IL1RAP: variants seen among roughly 807,000 people sequenced by gnomAD.
IL1RAP encodes interleukin 1 receptor accessory protein.
Under a neutral mutation model 60.7 loss-of-function variants are expected in IL1RAP, and 35 were observed. The observed-to-expected ratio is 0.58, with a 90% CI of 0.44 to 0.76. The LOEUF is 0.76. Among genes scored for constraint, IL1RAP ranks in the 30% least tolerant of loss-of-function variants. The probability of loss-of-function intolerance (pLI) is 0.00; values close to 1 mark genes in which losing one functional copy is unlikely to be tolerated. For synonymous variants in IL1RAP, 268 were observed against 250.9 expected, an observed-to-expected ratio of 1.07 and a Z score of -0.64; for missense variants, 572 against 693.9, an observed-to-expected ratio of 0.82 and a Z score of 1.97.
chr3:190,625,267 C>T (rs1299479655), intron 7 of IL1RAP: 1 of 151,994 alleles, frequency 6.6e-6, no homozygotes, highest in Non-Finnish European at 1.5e-5. Flanking sequence ...GTATGGAGTC[C>T]TCTTTGGGGT....
intron 11 of IL1RAP, among the ~76,000 whole-genome samples, chr3:190,647,128 C>G (rs1412260643): frequency 6.6e-6 from 1 of 152,020 alleles, no homozygotes; most frequent in Non-Finnish European, 1.5e-5. Context: ...TTTTATTCTC[C>G]CTGCCGCTCT....
Position 190,608,442 on chromosome 3 carries a change from T to G in IL1RAP, c.351-553T>G, listed in dbSNP as rs150965598. On this transcript the variant is annotated intron_variant, in intron 4 of 11. Transcript: ENST00000447382. ...ACCTATGTAGGGCACTTATCATGGA[T>G]AGAGCTTGTAGGACTGGAAGTTGTT... Among the ~76,000 whole-genome samples the G allele has an allele frequency of 2.2e-3, 331 of 152,292 alleles. 7 individuals carry two copies. Among genetic ancestry groups the G allele is most frequent in the African/African-American group, 7.4e-3 (309 of 41,568 alleles).
chr3:190,593,076 CT>C (rs879701762), intron 3 of IL1RAP, among the ~76,000 whole-genome samples: 77 of 145,106 alleles, frequency 5.3e-4, no homozygotes, highest in Admixed American at 4.8e-4. Context: ...TCACCAAACC[CT>C]TTTTTTTTTT....
Position 190,645,732 on chromosome 3 carries a change from C to T in IL1RAP, c.1235C>T (p.Ala412Val). The change falls in exon 11 of 12, where the codon GCA (alanine) becomes GTA (valine). Residue 412 changes from alanine to valine, a missense_variant. Ala to Val is a moderately conservative substitution (Grantham distance 64). Transcript: ENST00000447382. ...GAGTATGATATTTATGTATCCTATG[C>T]AAGGAATGCGGAAGAAGAAGAATTT... is the stretch of plus-strand genomic sequence containing the variant. ...GKEYDIYVSY[A>V]RNAEEEEFVL... 1 of 1,611,916 alleles carries T rather than the reference C, an allele frequency of 6.2e-7. No individual in the cohort carries two copies. The highest frequency in any genetic ancestry group is 8.5e-7 in the Non-Finnish European group (1 of 1,178,136).
chr3:190,593,064 C>T (rs1729080045), intron 3 of IL1RAP, among the ~76,000 whole-genome samples: 2 of 152,130 alleles, frequency 1.3e-5, no homozygotes, highest in Admixed American at 6.5e-5. Flanking sequence ...TGGATTTCTC[C>T]CTCACCAAAC....
intron 1 of IL1RAP, among the ~76,000 whole-genome samples, chr3:190,531,657 C>T (rs1259697579): frequency 6.6e-6 from 1 of 152,208 alleles, no homozygotes; most frequent in African/African-American, 2.4e-5. Context: ...ATGTAAAACA[C>T]ACACTTACAG....
At position 190,620,615 on chromosome 3, in the gene IL1RAP, TAACTGTTGGTC is replaced by T. The variant is rs1436026106; in HGVS notation, c.703+181_703+191del. Reference sequence around the variant, plus strand: ...TTCCATGCACATCGTAAGCATTCAGTAACTGTTGGTCAACTGAATGAATATGTGAATAAATG... The same window carrying T: ...TTCCATGCACATCGTAAGCATTCAGTAACTGAATGAATATGTGAATAAATG... On this transcript the variant is annotated intron_variant, in intron 6 of 11. Coordinates refer to ENST00000447382, the MANE Select transcript of IL1RAP (RefSeq NM_002182.4). 5.3e-5 allele frequency among the ~76,000 whole-genome samples: 8 copies of T among 152,294 alleles called. No individual in the cohort carries two copies. In the East Asian group the frequency reaches 1.5e-3, roughly 29 times the overall value.
intron 3 of IL1RAP, among the ~76,000 whole-genome samples, chr3:190,577,691 C>T (rs955295309): frequency 6.6e-6 from 1 of 151,978 alleles, no homozygotes; most frequent in African/African-American, 2.4e-5. Flanking sequence ...CCACCAGGCT[C>T]AGCTAATTTT....
Position 190,519,391 on chromosome 3 carries a change from T to C in IL1RAP, c.-89+5172T>C, listed in dbSNP as rs146201492. Reference sequence around the variant, plus strand: ...CATTTCATTTAAACATAAAAATAACTCTCAGATATATATTATTATTTGCCT... The same window carrying C: ...CATTTCATTTAAACATAAAAATAACCCTCAGATATATATTATTATTTGCCT... On this transcript the variant is annotated intron_variant, in intron 1 of 11. Coordinates refer to ENST00000447382, the MANE Select transcript of IL1RAP (RefSeq NM_002182.4). 2.5e-3 allele frequency among the ~76,000 whole-genome samples: 380 copies of C among 152,276 alleles called. 2 individuals are homozygous for C. Among genetic ancestry groups the C allele is most frequent in the African/African-American group, 8.7e-3 (360 of 41,548 alleles).
intron 8 of IL1RAP, among the ~76,000 whole-genome samples, 181 bp from the exon 9 acceptor site, chr3:190,629,168 AT>A (rs1732562785): frequency 1.3e-5 from 2 of 152,322 alleles, no homozygotes; most frequent in South Asian, 4.1e-4. Context: ...ATGGTATAGT[AT>A]AGTGTTAGAA....
intron 3 of IL1RAP, among the ~76,000 whole-genome samples, chr3:190,601,564 G>A (rs59245674): frequency 0.067 from 10,137 of 152,310 alleles, 474 homozygotes; most frequent in East Asian, 0.14. Context: ...AAGTCAGAAA[G>A]CTTCAGATTC....
chr3:190,593,898 G>A (rs924773339), intron 3 of IL1RAP, among the ~76,000 whole-genome samples: 1 of 152,090 alleles, frequency 6.6e-6, no homozygotes, highest in Non-Finnish European at 1.5e-5. Flanking sequence ...GTATATTATA[G>A]GATACTGCTA....
At position 190,611,646 on chromosome 3, in the gene IL1RAP, T is replaced by C. The variant is rs768989456; in HGVS notation, c.537+2465T>C. On this transcript the variant is annotated intron_variant, in intron 5 of 11. Coordinates refer to ENST00000447382, the MANE Select transcript of IL1RAP (RefSeq NM_002182.4). Reference sequence around the variant, plus strand: ...TTGGAGGGTAGTAAAGGAGGTGTGATTGACATGGGCCGTGACGAAGGCCTT... The same window carrying C: ...TTGGAGGGTAGTAAAGGAGGTGTGACTGACATGGGCCGTGACGAAGGCCTT... 5.6e-4 allele frequency among the ~76,000 whole-genome samples: 86 copies of C among 152,298 alleles called. 1 individual carries two copies. Among genetic ancestry groups the C allele is most frequent in the Admixed American group, 2.0e-3 (31 of 15,292 alleles).
chr3:190,649,279 A>T lies in IL1RAP; in HGVS notation c.*574A>T. On this transcript the variant is annotated 3_prime_UTR_variant, in exon 12 of 12. Coordinates refer to ENST00000447382, the MANE Select transcript of IL1RAP (RefSeq NM_002182.4). ...AGTGTAACTGAAAATGTTTCTTTTA[A>T]TTGATTTAAAGGACTTGTCTTCTAT... is the stretch of plus-strand genomic sequence containing the variant. 1.0e-6 allele frequency: 1 copy of T among 985,786 alleles called. No individual in the cohort carries two copies. The highest frequency in any genetic ancestry group is 1.2e-6 in the Non-Finnish European group (1 of 829,876). The allele number at this position is 985,786 out of a possible 1,614,324, so 61.1% of individuals were successfully genotyped here. A position where few individuals can be genotyped will look rare whatever the true frequency, so the allele number is the denominator to read the frequency against.
intron 9 of IL1RAP, 63 bp downstream of exon 9, chr3:190,629,561 A>G (rs1468376225): frequency 6.5e-6 from 10 of 1,537,750 alleles, no homozygotes; most frequent in Non-Finnish European, 7.9e-6. Flanking sequence ...GAATAAGGAC[A>G]AAAGGAGAGA....
At chr3:190,550,355 A>G (rs1724759018) in intron 1 of IL1RAP, 1 of 152,180 alleles carries the variant, frequency 6.6e-6, no homozygotes, top group African/African-American at 2.4e-5. Context: ...TTTGACCTGA[A>G]GCTTGAAATT....
chr3:190,599,336 A>G (rs1729654171), intron 3 of IL1RAP, among the ~76,000 whole-genome samples: 1 of 152,102 alleles, frequency 6.6e-6, no homozygotes, highest in Non-Finnish European at 1.5e-5. Flanking sequence ...ACGTGTCTGC[A>G]TTTGTCACCT....
At chr3:190,581,266 A>T (rs1727973596) in intron 3 of IL1RAP, among the ~76,000 whole-genome samples, 1 of 152,224 alleles carries the variant, frequency 6.6e-6, no homozygotes, top group East Asian at 1.9e-4. Flanking sequence ...TATCTATAAA[A>T]TGAAGCTGAT....
rs577994922 is a variant in IL1RAP, at chr3:190,621,932, A to T, written c.704-1412A>T. ...AAACTCTACTCAATGTATTATTTTT[A>T]AAAAATTAGGAGTACTGAATATTAT... is the stretch of plus-strand genomic sequence containing the variant. On this transcript the variant is annotated intron_variant, in intron 6 of 11. Transcript: ENST00000447382. 4.9e-5 allele frequency among the ~76,000 whole-genome samples: 7 copies of T among 141,512 alleles called. No individual in the cohort carries two copies. In the East Asian group the frequency reaches 9.9e-4, roughly 20 times the overall value. The allele number at this position is 141,512 out of a possible 152,430, so 92.8% of individuals were successfully genotyped here.
Sources: allele counts gnomAD v4.1 joint callset (sites outside exome capture counted in the v4.1 genomes callset), GRCh38; gene constraint gnomAD v4.1.1; transcripts MANE v1.5; gene names NCBI Gene and HGNC (gene_info 2026-07-23, HGNC 2026-07-21).